The following TCF4 variants were observed in gnomAD, a reference collection of about 807,000 sequenced individuals.
TCF4 encodes transcription factor 4.
A neutral mutation model predicts 82.1 loss-of-function variants in TCF4; 3 were observed. The observed-to-expected ratio is 0.04, with a 90% CI of 0.02 to 0.09. TCF4 has a LOEUF of 0.09. Among genes scored for constraint, TCF4 ranks in the 10% least tolerant of loss-of-function variants. TCF4 has a pLI of 1.00. For missense variants in TCF4, 518 were observed against 852.7 expected (o/e 0.61, Z 4.89); for synonymous variants, 276 against 309.6 (o/e 0.89, Z 1.14).
intron 17 of TCF4, chr18:55,230,853 G>A (rs1054552728): frequency 1.3e-5 from 2 of 152,204 alleles, no homozygotes; most frequent in Non-Finnish European, 2.9e-5. Context: ...TTCTTCGGTT[G>A]CAAGTATACG....
chr18:55,605,900 C>T (rs528487347), intron 2 of TCF4, among the ~76,000 whole-genome samples: 24 of 152,268 alleles, frequency 1.6e-4, no homozygotes, highest in African/African-American at 5.1e-4. Context: ...AGCAGTGGTT[C>T]CCAAAAAGTG....
At chr18:55,628,004 G>A (rs566779077) in intron 2 of TCF4, among the ~76,000 whole-genome samples, 1 of 152,332 alleles carries the variant, frequency 6.6e-6, no homozygotes, top group East Asian at 1.9e-4. Flanking sequence ...AGCTTGCAGT[G>A]AGCCATGATC....
intron 3 of TCF4, among the ~76,000 whole-genome samples, chr18:55,503,724 T>C (rs2096724267): frequency 6.6e-6 from 1 of 152,198 alleles, no homozygotes; most frequent in Non-Finnish European, 1.5e-5. Flanking sequence ...TATGGCCCTG[T>C]AGACTTAACA....
chr18:55,367,428 T>C (rs944951492), intron 6 of TCF4, among the ~76,000 whole-genome samples: 1 of 152,246 alleles, frequency 6.6e-6, no homozygotes. Context: ...CTAAAGGGGT[T>C]GAGGAAATTA....
intron 14 of TCF4, among the ~76,000 whole-genome samples, chr18:55,255,754 C>A (rs2056647427): frequency 6.6e-6 from 1 of 152,106 alleles, no homozygotes; most frequent in Non-Finnish European, 1.5e-5. Flanking sequence ...CGTAGTGTCA[C>A]ACTGCTAGGA....
intron 8 of TCF4, among the ~76,000 whole-genome samples, chr18:55,281,182 A>C (rs1263808002): frequency 6.6e-6 from 1 of 152,168 alleles, no homozygotes; most frequent in East Asian, 1.9e-4. Flanking sequence ...AGGAAAAAAA[A>C]CTTTTTTGAG....
At chr18:55,439,214 A>G (rs1275002796) in intron 5 of TCF4, among the ~76,000 whole-genome samples, 2 of 152,154 alleles carry the variant, frequency 1.3e-5, no homozygotes, top group Non-Finnish European at 2.9e-5. Context: ...ACTGGTGGGG[A>G]GCAACAAACA....
intron 11 of TCF4, among the ~76,000 whole-genome samples, chr18:55,263,337 T>C (rs185414321): frequency 2.5e-4 from 38 of 152,280 alleles, no homozygotes; most frequent in Admixed American, 5.2e-4. Context: ...CATCATACAA[T>C]TGGACCACTG....
intron 15 of TCF4, among the ~76,000 whole-genome samples, chr18:55,238,742 T>C (rs73487028): frequency 0.1 from 15,360 of 152,238 alleles, 922 homozygotes; most frequent in African/African-American, 0.13. Context: ...GCTTCTGCCC[T>C]CTCATGATGA....
intron 16 of TCF4, 86 bp from the exon 17 acceptor site, chr18:55,232,757 A>G: frequency 1.3e-6 from 2 of 1,510,380 alleles, no homozygotes; most frequent in East Asian, 2.3e-5. Context: ...CAGACAATTC[A>G]TACTGCTGAA....
intron 8 of TCF4, among the ~76,000 whole-genome samples, chr18:55,286,305 C>CTTT (rs796742040): frequency 7.1e-6 from 1 of 141,574 alleles, no homozygotes. Context: ...CTTTTTCTAC[C>CTTT]TTTTTTTTTT....
intron 3 of TCF4, among the ~76,000 whole-genome samples, chr18:55,567,833 T>C (rs961367183): frequency 6.6e-6 from 1 of 152,052 alleles, no homozygotes; most frequent in African/African-American, 2.4e-5. Context: ...ATTCACAAAA[T>C]TGGCAACAAA....
chr18:55,291,529 T>C (rs2065094658), intron 8 of TCF4, among the ~76,000 whole-genome samples: 1 of 152,132 alleles, frequency 6.6e-6, no homozygotes, highest in African/African-American at 2.4e-5. Flanking sequence ...GTACGAATTA[T>C]CTTTTTTCTG....
rs1044920989 is a variant in TCF4, at chr18:55,225,625, A to AG, written c.*2409dup. 2.6e-5 allele frequency: 4 copies of AG among 152,590 alleles called. No homozygotes were observed. The highest frequency in any genetic ancestry group is 9.7e-5 in the African/African-American group (4 of 41,444). The allele number at this position is 152,590 out of a possible 1,614,324, so 9.5% of individuals were successfully genotyped here. The stretch of plus-strand genomic sequence containing the variant: ...CTAAAAGGAAATCTTTAACATACGG[A>AG]GGGAACAAATACACATGGTTTTCAT... On this transcript the variant is annotated 3_prime_UTR_variant, in exon 20 of 20. Coordinates refer to ENST00000354452, the MANE Select transcript of TCF4 (RefSeq NM_001083962.2).
chr18:55,452,447 C>G (rs2095643578), intron 5 of TCF4: 1 of 152,318 alleles, frequency 6.6e-6, no homozygotes, highest in Non-Finnish European at 1.5e-5. Context: ...GGCAATGGTC[C>G]AGGAGAAAGA....
At chr18:55,591,102 C>T (rs1022866801), upstream of TCF4, 6 of 152,270 alleles carry the variant, frequency 3.9e-5, no homozygotes, top group African/African-American at 7.2e-5. Flanking sequence ...TCAATTTCGG[C>T]GATCTTTTAC....
rs1342450384 is a variant in TCF4, at chr18:55,390,307, A to AAAAG, written c.369+13143_369+13146dup. Among the ~76,000 whole-genome samples the AAAAG allele has an allele frequency of 5.7e-3, 796 of 140,548 alleles. 12 individuals carry two copies. Among genetic ancestry groups the AAAAG allele is most frequent in the African/African-American group, 0.013 (467 of 36,666 alleles). 92.2% of individuals were successfully genotyped at this position (140,548 alleles called of 152,430 possible). A position where few individuals can be genotyped will look rare whatever the true frequency, so the allele number is the denominator to read the frequency against. On this transcript the variant is annotated intron_variant, in intron 6 of 19. Transcript: ENST00000354452. Reference sequence around the variant, plus strand: ...CTCTTAAAAAAAAAAAAAAAAAAAAAAAAGAAAGAAAGAAAAGAAAAGTCA... The same window carrying AAAAG: ...CTCTTAAAAAAAAAAAAAAAAAAAAAAAAGAAAGAAAGAAAGAAAAGAAAAGTCA...
At position 55,480,299 on chromosome 18, in the gene TCF4, G is replaced by A. The variant is rs556645265; in HGVS notation, c.146-16162C>T. ...TCCAAAAAAAAAAAAAAAAAAAAGC[G>A]GGGGGGCGGGGGGAGGATATTATGT... On this transcript the variant is annotated intron_variant, in intron 3 of 19. Transcript: ENST00000354452. Among the ~76,000 whole-genome samples, 31 of 107,776 alleles carry A rather than the reference G, an allele frequency of 2.9e-4. 2 individuals are homozygous for A. Among genetic ancestry groups the A allele is most frequent in the African/African-American group, 4.5e-4 (13 of 28,822 alleles). 70.7% of individuals were successfully genotyped at this position (107,776 alleles called of 152,430 possible). A position where few individuals can be genotyped will look rare whatever the true frequency, so the allele number is the denominator to read the frequency against.
chr18:55,266,052 C>T (rs1464887295), intron 11 of TCF4: 1 of 152,108 alleles, frequency 6.6e-6, no homozygotes, highest in African/African-American at 2.4e-5. Context: ...GGGTCACACC[C>T]TGTGAATGTA....
Sources: allele counts gnomAD v4.1 joint callset (sites outside exome capture counted in the v4.1 genomes callset), GRCh38; gene constraint gnomAD v4.1.1; transcripts MANE v1.5; gene names NCBI Gene and HGNC (gene_info 2026-07-23, HGNC 2026-07-21).